The following PRKCA variants were observed in gnomAD, a reference collection of about 807,000 sequenced individuals.
PRKCA encodes the protein protein kinase C alpha type.
In PRKCA, 27 loss-of-function variants were observed where a neutral mutation model predicts 87.0. The observed-to-expected ratio is 0.31, with a 90% CI of 0.23 to 0.43. The LOEUF (loss-of-function observed/expected upper bound fraction) is 0.43. PRKCA is among the 20% of genes least tolerant of loss of function. PRKCA has a pLI of 1.00. For synonymous variants in PRKCA, 329 were observed against 311.1 expected (o/e 1.06, Z -0.61); for missense variants, 518 against 852.3 (o/e 0.61, Z 4.88).
At chr17:66,316,181 C>T (rs1196682832) in intron 2 of PRKCA, among the ~76,000 whole-genome samples, 1 of 152,184 alleles carries the variant, frequency 6.6e-6, no homozygotes, top group Non-Finnish European at 1.5e-5. Flanking sequence ...GAGAGCCCAT[C>T]TTATTTGGGA....
intron 2 of PRKCA, among the ~76,000 whole-genome samples, chr17:66,387,632 T>C (rs894889643): frequency 1.9e-4 from 29 of 152,362 alleles, no homozygotes; most frequent in African/African-American, 7.0e-4. Context: ...GTCACTTGCT[T>C]TGCTACTTCT....
chr17:66,472,873 C>T (rs955348439), intron 2 of PRKCA, among the ~76,000 whole-genome samples: 4 of 152,076 alleles, frequency 2.6e-5, no homozygotes, highest in Non-Finnish European at 5.9e-5. Flanking sequence ...TTGCCTCCGA[C>T]CGAACTTGCC....
At chr17:66,665,635 G>A (rs1256349724) in intron 5 of PRKCA, among the ~76,000 whole-genome samples, 1 of 152,154 alleles carries the variant, frequency 6.6e-6, no homozygotes, top group Non-Finnish European at 1.5e-5. Context: ...CCCCACCCCA[G>A]GCTTCCTGAA....
intron 14 of PRKCA, among the ~76,000 whole-genome samples, chr17:66,781,279 C>A (rs925428354): frequency 3.3e-5 from 5 of 152,114 alleles, no homozygotes; most frequent in Middle Eastern, 3.4e-3. Context: ...CAGCACCGGC[C>A]AATGAGATCA....
At chr17:66,562,979 A>G (rs1968763053) in intron 3 of PRKCA, among the ~76,000 whole-genome samples, 1 of 152,140 alleles carries the variant, frequency 6.6e-6, no homozygotes, top group Admixed American at 6.5e-5. Context: ...ATTTCTGGTT[A>G]TATACCTATA....
At chr17:66,491,046 C>G (rs1406755419) in intron 2 of PRKCA, among the ~76,000 whole-genome samples, 2 of 152,178 alleles carry the variant, frequency 1.3e-5, no homozygotes, top group African/African-American at 2.4e-5. Context: ...GTTTTAAAGC[C>G]AGGCAATGTC....
intron 2 of PRKCA, among the ~76,000 whole-genome samples, chr17:66,424,843 G>C (rs1949966290): frequency 2.0e-5 from 3 of 146,542 alleles, no homozygotes; most frequent in Non-Finnish European, 4.5e-5. Context: ...TCAACCACCC[G>C]GGCTCAAGCG....
In PRKCA at chr17:66,738,157, A is replaced by C. The variant is rs557448699; in HGVS notation, c.1231-607A>C. Among the ~76,000 whole-genome samples the C allele has an allele frequency of 7.2e-5, 11 of 152,368 alleles. No individual in the cohort carries two copies. In the South Asian group the frequency reaches 2.1e-3, roughly 29 times the overall value. On this transcript the variant is annotated intron_variant, in intron 10 of 16. Coordinates refer to ENST00000413366, the MANE Select transcript of PRKCA (RefSeq NM_002737.3). ...CCAACACTTAGCCTACCAGTGACAG[A>C]GAAAATAGAAAAACAGTGTTTGGGC...
chr17:66,421,755 C>T (rs1912510686), intron 2 of PRKCA, among the ~76,000 whole-genome samples: 1 of 149,184 alleles, frequency 6.7e-6, no homozygotes, highest in South Asian at 2.1e-4. Flanking sequence ...GTTGGCCAGG[C>T]TTGTCTCCAA....
chr17:66,804,270 T>C lies in PRKCA; in HGVS notation c.*233T>C. On this transcript the variant is annotated 3_prime_UTR_variant, in exon 17 of 17. Transcript: ENST00000413366. ...CGTCATGCTCAGTGTCCAGTTTAAT[T>C]CTGTAGAAGTTACGTCTGGCTCTAG... The C allele has an allele frequency of 2.1e-6, 1 of 487,508 alleles. No individual in the cohort carries two copies. The highest frequency in any genetic ancestry group is 3.4e-6 in the Non-Finnish European group (1 of 296,184). The allele number at this position is 487,508 out of a possible 1,614,324, so 30.2% of individuals were successfully genotyped here. A position where few individuals can be genotyped will look rare whatever the true frequency, so the allele number is the denominator to read the frequency against.
intron 5 of PRKCA, among the ~76,000 whole-genome samples, chr17:66,663,460 G>C (rs1350801146): frequency 6.6e-6 from 1 of 152,184 alleles, no homozygotes; most frequent in Non-Finnish European, 1.5e-5. Context: ...CAGATGAAGA[G>C]GAAATAATCA....
chr17:66,548,257 C>A (rs1968208116), intron 3 of PRKCA, among the ~76,000 whole-genome samples: 1 of 152,172 alleles, frequency 6.6e-6, no homozygotes. Context: ...ATGGTGAAGG[C>A]CACCAAACCT....
In PRKCA at chr17:66,804,193, G is replaced by A. The variant is rs554195292; in HGVS notation, c.*156G>A. 2.0e-6 allele frequency: 2 copies of A among 984,942 alleles called. No homozygotes were observed. Among genetic ancestry groups the A allele is most frequent in the Non-Finnish European group, 2.9e-6 (2 of 698,796 alleles). 61.0% of individuals were successfully genotyped at this position (984,942 alleles called of 1,614,324 possible). A position where few individuals can be genotyped will look rare whatever the true frequency, so the allele number is the denominator to read the frequency against. ...GTTATTAGTCCAAATGTGATCAACTGTTCAGGGTCTCTCTCTTACAACCAA... is the reference window on the plus strand; with the variant it reads ...GTTATTAGTCCAAATGTGATCAACTATTCAGGGTCTCTCTCTTACAACCAA... On this transcript the variant is annotated 3_prime_UTR_variant, in exon 17 of 17. Transcript: ENST00000413366.
intron 3 of PRKCA, among the ~76,000 whole-genome samples, chr17:66,541,805 T>G (rs1475883254): frequency 2.0e-5 from 3 of 152,272 alleles, no homozygotes; most frequent in Non-Finnish European, 4.4e-5. Context: ...AATGTACAAC[T>G]GCATTGTTTA....
rs1972719593 is a variant in PRKCA at position 66,689,389 on chromosome 17, A to G, written c.918+342A>G. ...CAAAGGAGGACTTGTGCTCTTCTGA[A>G]AAGGAGGAAGTCATTTTGGCCTTTC... On this transcript the variant is annotated intron_variant, in intron 8 of 16. Transcript: ENST00000413366. The surrounding 1 kb of genome is among the most constrained non-coding windows in gnomAD (Gnocchi z 4.1). Among the ~76,000 whole-genome samples the G allele has an allele frequency of 6.6e-6, 1 of 152,180 alleles. No individual in the cohort carries two copies. The highest frequency in any genetic ancestry group is 1.5e-5 in the Non-Finnish European group (1 of 68,032).
chr17:66,751,275 T>C (rs1030268800), intron 13 of PRKCA, among the ~76,000 whole-genome samples: 1 of 152,228 alleles, frequency 6.6e-6, no homozygotes, highest in African/African-American at 2.4e-5. Flanking sequence ...GTAAGTGGTA[T>C]TATTCATGCT....
intron 13 of PRKCA, among the ~76,000 whole-genome samples, chr17:66,746,667 A>C (rs1490142093): frequency 6.6e-6 from 1 of 152,164 alleles, no homozygotes; most frequent in Non-Finnish European, 1.5e-5. Context: ...AGCCGAGCTG[A>C]GGCAAAAAAT....
At chr17:66,676,631 G>A (rs1972343096) in intron 5 of PRKCA, 1 of 152,312 alleles carries the variant, frequency 6.6e-6, no homozygotes. Context: ...GACCGGCCGG[G>A]GAAGCCTGAA....
chr17:66,688,147 C>T (rs17689224), intron 6 of PRKCA, among the ~76,000 whole-genome samples, 155 bp from the exon 7 acceptor site: 24,355 of 152,158 alleles, frequency 0.16, 2,457 homozygotes, highest in Middle Eastern at 0.22. Flanking sequence ...ACTCCTGTAG[C>T]GCTTTGCTTG....
Sources: allele counts gnomAD v4.1 joint callset (sites outside exome capture counted in the v4.1 genomes callset), GRCh38; gene constraint gnomAD v4.1.1; non-coding constraint Gnocchi (gnomAD v3.1); transcripts MANE v1.5; gene names NCBI Gene and HGNC (gene_info 2026-07-23, HGNC 2026-07-21).